ZBED4: variants seen among roughly 807,000 people sequenced by gnomAD.
ZBED4 encodes the protein zinc finger BED-type containing 4, also known as zinc finger BED domain-containing protein 4.
Under a neutral mutation model 15.5 loss-of-function variants are expected in ZBED4, and 4 were observed. The observed-to-expected ratio is 0.26, with a 90% CI of 0.13 to 0.59. The LOEUF (loss-of-function observed/expected upper bound fraction) is 0.59. Among genes scored for constraint, ZBED4 ranks in the 20% least tolerant of loss-of-function variants. The pLI, the probability that ZBED4 is intolerant of heterozygous loss-of-function variation, is 0.90. For missense variants in ZBED4, 1,323 were observed against 1,461.8 expected (o/e 0.91, Z 1.55); for synonymous variants, 692 against 608.5 (o/e 1.14, Z -2.02).
Position 49,883,572 on chromosome 22 carries a change from A to G in ZBED4, c.-91A>G. On this transcript the variant is annotated 5_prime_UTR_variant, in exon 2 of 2. Transcript: ENST00000216268. ...CTGAAAGATGGAATTATGACGAAAA[A>G]GTGAAGATAATCTACATTCGGGGGC... 7.0e-7 allele frequency: 1 copy of G among 1,429,748 alleles called. No individual in the cohort carries two copies. The highest frequency in any genetic ancestry group is 9.2e-7 in the Non-Finnish European group (1 of 1,083,366). 88.6% of individuals were successfully genotyped at this position (1,429,748 alleles called of 1,614,324 possible). A position where few individuals can be genotyped will look rare whatever the true frequency, so the allele number is the denominator to read the frequency against.
At chr22:49,866,821 G>A (rs1029379821) in intron 1 of ZBED4, among the ~76,000 whole-genome samples, 2 of 152,198 alleles carry the variant, frequency 1.3e-5, no homozygotes, top group African/African-American at 4.8e-5. Flanking sequence ...ACGGAAATTA[G>A]GAATCTGAAA....
chr22:49,878,470 A>C (rs1305617252), intron 1 of ZBED4, among the ~76,000 whole-genome samples: 4 of 152,190 alleles, frequency 2.6e-5, no homozygotes, highest in Non-Finnish European at 5.9e-5. Context: ...CGAGCAACCA[A>C]TTCTCAACAA....
At chr22:49,854,036 C>G (rs2060263682) in intron 1 of ZBED4, 47 bp downstream of exon 1, 1 of 145,358 alleles carries the variant, frequency 6.9e-6, no homozygotes, top group Non-Finnish European at 1.5e-5. Flanking sequence ...CGAGCCCCGT[C>G]CCCCGCGGAC....
At chr22:49,858,725 T>G (rs2060285222) in intron 1 of ZBED4, among the ~76,000 whole-genome samples, 1 of 152,210 alleles carries the variant, frequency 6.6e-6, no homozygotes, top group Non-Finnish European at 1.5e-5. Context: ...CTACAAAACG[T>G]GACTGTGTCC....
chr22:49,886,486 G>T lies in ZBED4; in HGVS notation c.2824G>T (p.Ala942Ser), dbSNP rs777911902. Reference protein sequence around the residue: ...SVCRALKPFEAASREMSTQMS... With the variant: ...SVCRALKPFESASREMSTQMS... ...GTGCCGTGCGCTAAAGCCCTTCGAG[G>T]CTGCGAGCCGGGAGATGAGCACGCA... Residue 942 changes from alanine to serine, a missense_variant, in exon 2 of 2, where the codon GCT (alanine) becomes TCT (serine). Ala to Ser is a moderately conservative substitution (Grantham distance 99). This residue lies in a region of ZBED4 where 312 missense variants were observed against 410.7 expected (regional missense o/e 0.76). Coordinates refer to ENST00000216268, the MANE Select transcript of ZBED4 (RefSeq NM_014838.3). The surrounding 1 kb of genome is among the most constrained non-coding windows in gnomAD (Gnocchi z 7.7). 1.3e-5 allele frequency: 21 copies of T among 1,568,866 alleles called. No homozygotes were observed. The East Asian group carries it at 3.6e-4, about 27-fold the overall frequency.
At position 49,885,837 on chromosome 22, in the gene ZBED4, T is replaced by C; in HGVS notation, c.2175T>C (p.Ser725=). Reference sequence around the variant, plus strand: ...TGTCCCACCTTAAGGAAGCTGAGAGTGGTGTGATCCACTTCACGTCTGGAA... The same window carrying C: ...TGTCCCACCTTAAGGAAGCTGAGAGCGGTGTGATCCACTTCACGTCTGGAA... ...IIMSHLKEAE[S]GVIHFTSGIW... Residue 725 remains serine (S), a synonymous_variant, in exon 2 of 2, where the codon AGT becomes AGC. Transcript: ENST00000216268. 4 of 1,527,126 alleles carry C rather than the reference T, an allele frequency of 2.6e-6. No individual in the cohort carries two copies. Among genetic ancestry groups the C allele is most frequent in the Non-Finnish European group, 3.6e-6 (4 of 1,101,728 alleles). The allele number at this position is 1,527,126 out of a possible 1,614,324, so 94.6% of individuals were successfully genotyped here. A position where few individuals can be genotyped will look rare whatever the true frequency, so the allele number is the denominator to read the frequency against.
At chr22:49,853,520 C>T (rs2060260084), upstream of ZBED4, among the ~76,000 whole-genome samples, 1 of 152,184 alleles carries the variant, frequency 6.6e-6, no homozygotes, top group African/African-American at 2.4e-5. Context: ...AACTGCCAAG[C>T]CACGGGACGA....
At chr22:49,859,364 A>G (rs976522616) in intron 1 of ZBED4, among the ~76,000 whole-genome samples, 7 of 152,270 alleles carry the variant, frequency 4.6e-5, no homozygotes, top group East Asian at 1.9e-4. Flanking sequence ...ATAATCTAGT[A>G]AAGCCTTTTG....
Position 49,883,617 on chromosome 22 carries a change from A to G in ZBED4, c.-46A>G, listed in dbSNP as rs759632112. 1.4e-6 allele frequency: 2 copies of G among 1,480,506 alleles called. No individual in the cohort carries two copies. Among genetic ancestry groups the G allele is most frequent in the Non-Finnish European group, 1.8e-6 (2 of 1,109,464 alleles). The allele number at this position is 1,480,506 out of a possible 1,614,324, so 91.7% of individuals were successfully genotyped here. A position where few individuals can be genotyped will look rare whatever the true frequency, so the allele number is the denominator to read the frequency against. On this transcript the variant is annotated 5_prime_UTR_variant, in exon 2 of 2. Coordinates refer to ENST00000216268, the MANE Select transcript of ZBED4 (RefSeq NM_014838.3). The stretch of plus-strand genomic sequence containing the variant: ...GGGGGCACAAATGAGCACTTGGATC[A>G]GTGTTTTATGAACCTAAGATACAGC...
chr22:49,872,783 C>T (rs775493060), intron 1 of ZBED4, among the ~76,000 whole-genome samples: 3 of 151,892 alleles, frequency 2.0e-5, no homozygotes, highest in Non-Finnish European at 2.9e-5. Context: ...CGGCTCACTG[C>T]AACCTCTGCC....
rs377167901 is a variant in ZBED4 at position 49,863,590 on chromosome 22, G to A, written c.-330+9601G>A. 3.8e-3 allele frequency among the ~76,000 whole-genome samples: 575 copies of A among 150,152 alleles called. 4 individuals carry two copies. Among genetic ancestry groups the A allele is most frequent in the African/African-American group, 0.013 (516 of 40,746 alleles). Reference sequence around the variant, plus strand: ...TGCGGTGAGCTGAGATCGCGCCACCGCACTCCAGCCTGGGGACAGAGCGAG... The same window carrying A: ...TGCGGTGAGCTGAGATCGCGCCACCACACTCCAGCCTGGGGACAGAGCGAG... On this transcript the variant is annotated intron_variant, in intron 1 of 1. Coordinates refer to ENST00000216268, the MANE Select transcript of ZBED4 (RefSeq NM_014838.3).
Position 49,887,154 on chromosome 22 carries a change from T to A in ZBED4, c.3492T>A (p.Leu1164=), listed in dbSNP as rs761331286. ...FEKLIFLKVN[L]PLIYFQY ...AACTTATCTTTTTGAAAGTGAATCTTCCCTTAATATACTTTCAGTATTGAA... is the reference window on the plus strand; with the variant it reads ...AACTTATCTTTTTGAAAGTGAATCTACCCTTAATATACTTTCAGTATTGAA... The change falls in exon 2 of 2, where the codon CTT becomes CTA. Residue 1164 remains leucine (L), a synonymous_variant. Transcript: ENST00000216268. The A allele has an allele frequency of 1.2e-6, 2 of 1,612,458 alleles. No individual in the cohort carries two copies. Among genetic ancestry groups the A allele is most frequent in the East Asian group, 4.5e-5 (2 of 44,862 alleles).
rs201983662 is a variant in ZBED4, at chr22:49,885,107, G to T, written c.1445G>T (p.Cys482Phe). The change falls in exon 2 of 2, where the codon TGT (cysteine) becomes TTT (phenylalanine). Residue 482 changes from cysteine (C) to phenylalanine (F), a missense_variant. By Grantham distance (205) the Cys-to-Phe change is radical. Transcript: ENST00000216268. ...AAGGCCGAGTGTCGGTACTGCGGCTGTGCCATCAGCCGGGGGAAGAAGGGT... is the reference window on the plus strand; with the variant it reads ...AAGGCCGAGTGTCGGTACTGCGGCTTTGCCATCAGCCGGGGGAAGAAGGGT... ...SLKAECRYCGCAISRGKKGDV... is the reference protein window; with the variant it reads ...SLKAECRYCGFAISRGKKGDV... 9.3e-5 allele frequency: 150 copies of T among 1,613,820 alleles called. No individual in the cohort carries two copies. The highest frequency in any genetic ancestry group is 1.0e-4 in the Non-Finnish European group (118 of 1,179,926).
Position 49,886,359 on chromosome 22 carries a change from C to T in ZBED4, c.2697C>T (p.Leu899=), listed in dbSNP as rs190374842. 9.3e-6 allele frequency: 15 copies of T among 1,610,186 alleles called. No homozygotes were observed. Among genetic ancestry groups the T allele is most frequent in the Middle Eastern group, 1.7e-4 (1 of 6,044 alleles). Residue 899 remains leucine, a synonymous_variant, in exon 2 of 2, where the codon CTC becomes CTT. Transcript: ENST00000216268. The surrounding 1 kb of genome is among the most constrained non-coding windows in gnomAD (Gnocchi z 7.7). ...PSKWSTSFHM[L]ERLIEQKRAI... ...AGTGGAGCACTTCCTTCCACATGCT[C>T]GAGCGGCTCATTGAGCAGAAAAGGG...
intron 1 of ZBED4, among the ~76,000 whole-genome samples, chr22:49,881,989 A>G (rs530682784): frequency 6.6e-6 from 1 of 152,296 alleles, no homozygotes; most frequent in South Asian, 2.1e-4. Context: ...TTGCTTTGCT[A>G]CAGATAGGTT....
intron 1 of ZBED4, among the ~76,000 whole-genome samples, chr22:49,865,454 G>T (rs1011016716): frequency 1.3e-5 from 2 of 151,610 alleles, no homozygotes; most frequent in South Asian, 4.2e-4. Flanking sequence ...TTCGAGACCC[G>T]CCTGGCCAAC....
At chr22:49,882,759 G>A (rs1194447476) in intron 1 of ZBED4, among the ~76,000 whole-genome samples, 1 of 152,196 alleles carries the variant, frequency 6.6e-6, no homozygotes, top group African/African-American at 2.4e-5. Context: ...AGCATCACTT[G>A]GGGACGGGGC....
Position 49,884,844 on chromosome 22 carries a change from T to G in ZBED4, c.1182T>G (p.Thr394=). 1.2e-6 allele frequency: 2 copies of G among 1,610,590 alleles called. No individual in the cohort carries two copies. The highest frequency in any genetic ancestry group is 3.3e-5 in the Admixed American group (2 of 59,890). The change falls in exon 2 of 2, where the codon ACT becomes ACG. Residue 394 remains threonine (T), a synonymous_variant. Transcript: ENST00000216268. The part of the protein sequence containing the change: ...PSASSSPDRL[T]EDLQSHLNPG... ...CCTCCTCCTCCCCTGACAGGCTGAC[T>G]GAGGACTTGCAGTCTCACTTGAACC...
intron 1 of ZBED4, among the ~76,000 whole-genome samples, chr22:49,864,913 G>T: frequency 7.4e-6 from 1 of 135,446 alleles, no homozygotes; most frequent in South Asian, 2.4e-4. Flanking sequence ...CTCCTTGATT[G>T]ACCATGGGGT....
Sources: gnomAD v4.1 joint callset for allele counts (sites outside exome capture counted in the v4.1 genomes callset) on GRCh38, gnomAD v4.1.1 for gene constraint, gnomAD v4.1.1 regional missense constraint, Gnocchi (gnomAD v3.1) non-coding constraint, MANE v1.5 for transcripts, NCBI Gene and HGNC (gene_info 2026-07-23, HGNC 2026-07-21) for gene names.